NDUFA11: variants seen among roughly 807,000 people sequenced by gnomAD.
NDUFA11 encodes NADH:ubiquinone oxidoreductase subunit A11, also known as NADH dehydrogenase [ubiquinone] 1 alpha subcomplex subunit 11.
Under a neutral mutation model 11.3 loss-of-function variants are expected in NDUFA11, and 14 were observed. The observed-to-expected ratio is 1.24, with a 90% CI of 0.82 to 1.94. The LOEUF is 1.94. NDUFA11 is among the 30% of genes most tolerant of loss of function. The pLI is 0.00. For synonymous variants in NDUFA11, 87 were observed against 85.6 expected, an observed-to-expected ratio of 1.02 and a Z score of -0.09; for missense variants, 204 against 200.3, an observed-to-expected ratio of 1.02 and a Z score of -0.11.
downstream of NDUFA11, chr19:5,892,994 C>T (rs1416291690): frequency 6.6e-7 from 1 of 1,525,782 alleles, no homozygotes; most frequent in Admixed American, 2.0e-5. Context: ...GCCCCTGCCC[C>T]TCTGGGTGCG....
Position 5,903,756 on chromosome 19 carries a change from C to A in NDUFA11, c.-48G>T, listed in dbSNP as rs1185151405. The A allele has an allele frequency of 1.3e-6, 2 of 1,536,450 alleles. No individual in the cohort carries two copies. Among genetic ancestry groups the A allele is most frequent in the African/African-American group, 2.7e-5 (2 of 72,798 alleles). ...CCACGGACCCCGCCAGCTCGGGAAG[C>A]GCAAGGGCAGCCGCGGCTGGCTATC... On this transcript the variant is annotated 5_prime_UTR_variant, in exon 1 of 4. Transcript: ENST00000308961.
downstream of NDUFA11, chr19:5,894,613 C>T (rs759073912): frequency 3.3e-6 from 5 of 1,530,686 alleles, no homozygotes; most frequent in Non-Finnish European, 4.4e-6. Flanking sequence ...TTCCTCACTC[C>T]CTCCCAGATC....
intron 3 of NDUFA11, 165 bp from the exon 4 acceptor site, chr19:5,895,019 G>A: frequency 1.2e-6 from 1 of 806,792 alleles, no homozygotes; most frequent in Middle Eastern, 3.8e-4. Context: ...CTCTGGAGAT[G>A]TGGAAACTGA....
chr19:5,903,010 C>CA (rs545310981), intron 1 of NDUFA11, among the ~76,000 whole-genome samples: 70,661 of 103,850 alleles, frequency 0.68, 24,189 homozygotes, highest in Admixed American at 0.74. Context: ...GGCTCTGTCT[C>CA]AAAAAAAAAA....
chr19:5,892,033 G>A (rs1038926958), downstream of NDUFA11: 1 of 152,226 alleles, frequency 6.6e-6, no homozygotes, highest in Non-Finnish European at 1.5e-5. Context: ...GGGCCGGGGG[G>A]CCTCGGCTTT....
downstream of NDUFA11, chr19:5,893,181 TAC>T (rs1299420710): frequency 2.7e-5 from 41 of 1,536,028 alleles, no homozygotes; most frequent in Middle Eastern, 3.3e-4. The surrounding 1 kb of genome is among the most constrained non-coding windows in gnomAD (Gnocchi z 4.1). Context: ...AGAATCTCTG[TAC>T]ACAGTGGCTC....
rs1425722631 is a variant in NDUFA11, at chr19:5,896,346, C to T, written c.313+107G>A. On this transcript the variant is annotated intron_variant, in intron 3 of 3. Coordinates refer to ENST00000308961, the MANE Select transcript of NDUFA11 (RefSeq NM_175614.5). This position sits in a 1 kb window ranked among gnomAD's most constrained non-coding sequence, Gnocchi z 5.8. Reference sequence around the variant, plus strand: ...AAATGGCTGGTGTTCAAGAAGGCTGCTTTACTTCTTGTCCGGGATGGAACA... The same window carrying T: ...AAATGGCTGGTGTTCAAGAAGGCTGTTTTACTTCTTGTCCGGGATGGAACA... 5.8e-5 allele frequency: 73 copies of T among 1,268,468 alleles called. No homozygotes were observed. The highest frequency in any genetic ancestry group is 9.7e-5 in the Admixed American group (4 of 41,372). 78.6% of individuals were successfully genotyped at this position (1,268,468 alleles called of 1,614,324 possible). A position where few individuals can be genotyped will look rare whatever the true frequency, so the allele number is the denominator to read the frequency against.
Position 5,896,287 on chromosome 19 carries a change from G to A in NDUFA11, c.313+166C>T. On this transcript the variant is annotated intron_variant, in intron 3 of 3. Transcript: ENST00000308961. The surrounding 1 kb of genome is among the most constrained non-coding windows in gnomAD (Gnocchi z 5.8). ...CAGGTCAGGGAGGGCCACAGTAGGTGCTTAAGCAGCAGCAGCAGCTGTCGC... is the reference window on the plus strand; with the variant it reads ...CAGGTCAGGGAGGGCCACAGTAGGTACTTAAGCAGCAGCAGCAGCTGTCGC... The A allele has an allele frequency of 1.2e-6, 1 of 809,082 alleles. No individual in the cohort carries two copies. Among genetic ancestry groups the A allele is most frequent in the Non-Finnish European group, 1.9e-6 (1 of 515,160 alleles). 50.1% of individuals were successfully genotyped at this position (809,082 alleles called of 1,614,324 possible).
chr19:5,900,371 C>T (rs2057637176), intron 1 of NDUFA11, among the ~76,000 whole-genome samples: 1 of 152,216 alleles, frequency 6.6e-6, no homozygotes, highest in South Asian at 2.1e-4. Flanking sequence ...AAATGGTGCC[C>T]ACAAGATGCT....
chr19:5,898,893 A>AAAAG, intron 1 of NDUFA11, among the ~76,000 whole-genome samples: 1 of 151,194 alleles, frequency 6.6e-6, no homozygotes. Context: ...AAAAAAAAAA[A>AAAAG]AAAGAAAGAA....
In NDUFA11 at chr19:5,896,457, T is replaced by C; in HGVS notation, c.309A>G (p.Ala103=). The part of the protein sequence containing the change: ...GGCAGGLTLG[A]RTHNYGIGAA... ...GGTGGGGAGGGGGCCACTCACTGCGTGCTCCCAGAGTCAGGCCTCCGGCGC... is the reference window on the plus strand; with the variant it reads ...GGTGGGGAGGGGGCCACTCACTGCGCGCTCCCAGAGTCAGGCCTCCGGCGC... The change falls in exon 3 of 4, where the codon GCA becomes GCG. Residue 103 remains alanine (A), a synonymous_variant. Transcript: ENST00000308961. This position sits in a 1 kb window ranked among gnomAD's most constrained non-coding sequence, Gnocchi z 5.8. 6.4e-7 allele frequency: 1 copy of C among 1,571,322 alleles called. No homozygotes were observed. The highest frequency in any genetic ancestry group is 8.6e-7 in the Non-Finnish European group (1 of 1,158,912).
chr19:5,897,100 C>G (rs906406670), intron 1 of NDUFA11, 103 bp from the exon 2 acceptor site: 1 of 908,088 alleles, frequency 1.1e-6, no homozygotes, highest in African/African-American at 1.6e-5. Context: ...CCTCACGATG[C>G]CCCCCTTCTT....
downstream of NDUFA11, chr19:5,893,122 G>T: frequency 6.5e-7 from 1 of 1,536,094 alleles, no homozygotes; most frequent in Non-Finnish European, 8.7e-7. The surrounding 1 kb of genome is among the most constrained non-coding windows in gnomAD (Gnocchi z 4.1). Context: ...GTGGACATCT[G>T]TGCTCTCTCC....
Position 5,903,633 on chromosome 19 carries a change from T to C in NDUFA11, c.76A>G (p.Thr26Ala), listed in dbSNP as rs1317101064. Residue 26 changes from threonine to alanine, a missense_variant, in exon 1 of 4, where the codon ACC becomes GCC. By Grantham distance (58) the Thr-to-Ala change is moderately conservative. Coordinates refer to ENST00000308961, the MANE Select transcript of NDUFA11 (RefSeq NM_175614.5). Reference sequence around the variant, plus strand: ...TCACCAGCGACGCTGGCAATACTGGTGGTGCTGTAGGCTTTGCGGTGGCAA... The same window carrying C: ...TCACCAGCGACGCTGGCAATACTGGCGGTGCTGTAGGCTTTGCGGTGGCAA... ...TDCHRKAYST[T>A]SIASVAGLTA... 5.8e-6 allele frequency: 9 copies of C among 1,551,096 alleles called. No homozygotes were observed. Among genetic ancestry groups the C allele is most frequent in the Non-Finnish European group, 7.8e-6 (9 of 1,146,902 alleles).
At chr19:5,897,491 G>C (rs2057617966) in intron 1 of NDUFA11, among the ~76,000 whole-genome samples, 1 of 151,838 alleles carries the variant, frequency 6.6e-6, no homozygotes, top group Non-Finnish European at 1.5e-5. Context: ...CGGGGCTCCT[G>C]GGCCTAATCC....
chr19:5,901,129 C>A, intron 1 of NDUFA11: 1 of 326,414 alleles, frequency 3.1e-6, no homozygotes, highest in Non-Finnish European at 5.6e-6. Context: ...GTCTCAGAGG[C>A]CCTTCACTCA....
chr19:5,901,666 G>T (rs922605453), intron 1 of NDUFA11, among the ~76,000 whole-genome samples: 9 of 146,564 alleles, frequency 6.1e-5, no homozygotes, highest in Admixed American at 1.4e-4. Flanking sequence ...GTTTCTTTGG[G>T]TTTTTTTTTT....
intron 1 of NDUFA11, among the ~76,000 whole-genome samples, chr19:5,898,986 C>G (rs948123365): frequency 4.0e-4 from 61 of 151,762 alleles, no homozygotes; most frequent in African/African-American, 1.4e-3. Context: ...GGACTGGAGT[C>G]CAGTACAGCC....
chr19:5,892,975 G>C (rs1599690027), downstream of NDUFA11: 1 of 1,511,722 alleles, frequency 6.6e-7, no homozygotes. Context: ...GGCTTGGACA[G>C]GTGTCAGGGC....
Sources: allele counts gnomAD v4.1 joint callset (sites outside exome capture counted in the v4.1 genomes callset), GRCh38; gene constraint gnomAD v4.1.1; non-coding constraint Gnocchi (gnomAD v3.1); transcripts MANE v1.5; gene names NCBI Gene and HGNC (gene_info 2026-07-23, HGNC 2026-07-21).